The following WDR41 variants were observed in gnomAD, a reference collection of about 807,000 sequenced individuals.
WDR41 encodes WD repeat domain 41.
A neutral mutation model predicts 69.3 loss-of-function variants in WDR41; 63 were observed. The observed-to-expected ratio is 0.91, with a 90% confidence interval of 0.74 to 1.12. The LOEUF is 1.12. Among genes scored for constraint, WDR41 ranks in the 50% most tolerant of loss-of-function variants. The pLI is 0.00. For missense variants in WDR41, 543 were observed against 534.5 expected (o/e 1.02, Z -0.16); for synonymous variants, 185 against 192.1 (o/e 0.96, Z 0.31).
intron 8 of WDR41, among the ~76,000 whole-genome samples, chr5:77,448,868 A>AAAAC (rs10646790): frequency 0.11 from 15,874 of 149,192 alleles, 1,258 homozygotes; most frequent in African/African-American, 0.22. Flanking sequence ...ACTCCATCTC[A>AAAAC]AAACAAACAA....
At chr5:77,616,896 C>T (rs1426288286) in intron 1 of WDR41, among the ~76,000 whole-genome samples, 1 of 152,166 alleles carries the variant, frequency 6.6e-6, no homozygotes, top group Non-Finnish European at 1.5e-5. Context: ...TCTTCCCCAT[C>T]CTATCCCATT....
At chr5:77,495,747 A>T (rs369822916), upstream of WDR41, among the ~76,000 whole-genome samples, 227 of 152,044 alleles carry the variant, frequency 1.5e-3, 2 homozygotes, top group African/African-American at 5.2e-3. Flanking sequence ...AGAGGAGGAA[A>T]CACTTTTTAA....
At chr5:77,541,023 A>G (rs941177641) in intron 1 of WDR41, among the ~76,000 whole-genome samples, 1 of 152,198 alleles carries the variant, frequency 6.6e-6, no homozygotes, top group Admixed American at 6.6e-5. Context: ...CAGTAGGGGG[A>G]AAAGAAATTG....
intron 1 of WDR41, among the ~76,000 whole-genome samples, chr5:77,614,808 A>AT (rs1744646168): frequency 2.1e-5 from 3 of 144,808 alleles, no homozygotes; most frequent in African/African-American, 7.5e-5. Context: ...TAATAATAAA[A>AT]TAAAAAAAAA....
chr5:77,548,135 G>A (rs534460217), intron 1 of WDR41, among the ~76,000 whole-genome samples: 1 of 152,296 alleles, frequency 6.6e-6, no homozygotes, highest in East Asian at 1.9e-4. Flanking sequence ...AATAACTCAA[G>A]ATGGATTAAG....
At chr5:77,504,943 C>T (rs1802082939) in intron 1 of WDR41, among the ~76,000 whole-genome samples, 1 of 152,166 alleles carries the variant, frequency 6.6e-6, no homozygotes, top group Non-Finnish European at 1.5e-5. Context: ...AAACTGGAAG[C>T]ATTCCCTTTG....
At chr5:77,589,860 T>C (rs1040053342) in intron 1 of WDR41, among the ~76,000 whole-genome samples, 2 of 152,186 alleles carry the variant, frequency 1.3e-5, no homozygotes, top group Non-Finnish European at 2.9e-5. Context: ...AGTACAATTC[T>C]GAATAGAAAT....
intron 12 of WDR41, among the ~76,000 whole-genome samples, chr5:77,435,581 T>C (rs1363661427): frequency 6.6e-6 from 1 of 152,220 alleles, no homozygotes; most frequent in East Asian, 1.9e-4. Flanking sequence ...TTTTTGTTCT[T>C]TGGCTATGAA....
At position 77,463,178 on chromosome 5, in the gene WDR41, C is replaced by T; in HGVS notation, c.265G>A (p.Ala89Thr). The part of the protein sequence containing the change: ...ELNGHTQKIT[A>T]IITFPSLESC... ...TCCAAGGAAGGAAATGTAATAATAGCTGTTATCTTTTGAGTGTGTCCATTC... is the reference window on the plus strand; with the variant it reads ...TCCAAGGAAGGAAATGTAATAATAGTTGTTATCTTTTGAGTGTGTCCATTC... The change falls in exon 4 of 13, where the codon GCT becomes ACT. Residue 89 changes from alanine to threonine, a missense_variant. Transcript: ENST00000296679. 1 of 1,612,664 alleles carries T rather than the reference C, an allele frequency of 6.2e-7. No homozygotes were observed. Among genetic ancestry groups the T allele is most frequent in the South Asian group, 1.1e-5 (1 of 90,964 alleles).
intron 1 of WDR41, among the ~76,000 whole-genome samples, chr5:77,527,864 A>G (rs985408212): frequency 2.0e-5 from 3 of 151,820 alleles, no homozygotes; most frequent in Non-Finnish European, 4.4e-5. Context: ...AAAGTCATGG[A>G]AAATATTTTG....
intron 2 of WDR41, among the ~76,000 whole-genome samples, chr5:77,485,499 C>T (rs163031): frequency 0.59 from 89,543 of 152,022 alleles, 28,115 homozygotes; most frequent in African/African-American, 0.8. Context: ...CATCTGATTC[C>T]TTTCCAGTCA....
intron 1 of WDR41, among the ~76,000 whole-genome samples, chr5:77,575,449 C>T (rs1743814027): frequency 6.6e-6 from 1 of 152,184 alleles, no homozygotes; most frequent in Non-Finnish European, 1.5e-5. Context: ...ATGTTGAATA[C>T]TTCTGGTAAG....
intron 1 of WDR41, among the ~76,000 whole-genome samples, chr5:77,520,445 A>G (rs1415883096): frequency 6.6e-6 from 1 of 152,196 alleles, no homozygotes; most frequent in Non-Finnish European, 1.5e-5. Flanking sequence ...CAAATCATCA[A>G]GAAATGAACT....
chr5:77,549,566 G>C (rs1171728399), intron 1 of WDR41, among the ~76,000 whole-genome samples: 1 of 152,104 alleles, frequency 6.6e-6, no homozygotes, highest in African/African-American at 2.4e-5. Flanking sequence ...TCTAGTTAAG[G>C]AGGTGAAAGA....
intron 1 of WDR41, among the ~76,000 whole-genome samples, chr5:77,505,678 C>T (rs556557019): frequency 1.2e-4 from 18 of 152,172 alleles, no homozygotes; most frequent in Admixed American, 2.0e-4. Flanking sequence ...AGTACTGGTA[C>T]CAAAACAGAT....
chr5:77,437,374 C>T lies in WDR41; in HGVS notation c.1055G>A (p.Arg352Lys), dbSNP rs146166359. The change falls in exon 11 of 13, where the codon AGA becomes AAA. Residue 352 changes from arginine (R) to lysine (K), a missense_variant. Transcript: ENST00000296679. ...EDGSVRIWEL[R>K]EKQQLAAEPV... ...CTCAGCTGCAAGCTGCTGTTTTTCTCTTAACTCCCAAATGCGTACACTGCC... is the reference window on the plus strand; with the variant it reads ...CTCAGCTGCAAGCTGCTGTTTTTCTTTTAACTCCCAAATGCGTACACTGCC... 12 of 1,613,982 alleles carry T rather than the reference C, an allele frequency of 7.4e-6. No homozygotes were observed. The highest frequency in any genetic ancestry group is 6.7e-5 in the African/African-American group (5 of 75,038).
chr5:77,496,816 A>C (rs1327322383), upstream of WDR41, among the ~76,000 whole-genome samples: 1 of 152,166 alleles, frequency 6.6e-6, no homozygotes, highest in Non-Finnish European at 1.5e-5. Context: ...AATCTTGAAA[A>C]AGAAAATAAG....
At chr5:77,600,781 G>A (rs1036530022) in intron 1 of WDR41, among the ~76,000 whole-genome samples, 3 of 152,132 alleles carry the variant, frequency 2.0e-5, no homozygotes, top group African/African-American at 7.2e-5. Flanking sequence ...TCAGGAGGCT[G>A]AGGCAGGAGG....
intron 1 of WDR41, among the ~76,000 whole-genome samples, chr5:77,611,359 T>C (rs201640514): frequency 0.12 from 18,377 of 151,668 alleles, 468 homozygotes; most frequent in East Asian, 0.19. Flanking sequence ...ATACATTGTT[T>C]TCAGCACCAC....
Sources: allele counts gnomAD v4.1 joint callset (sites outside exome capture counted in the v4.1 genomes callset), GRCh38; gene constraint gnomAD v4.1.1; transcripts MANE v1.5; gene names NCBI Gene and HGNC (gene_info 2026-07-23, HGNC 2026-07-21).